The following OR6J1 variants were observed in gnomAD, a reference collection of about 807,000 sequenced individuals.
The protein encoded by OR6J1 is olfactory receptor family 6 subfamily J member 1, also known as olfactory receptor 6J1.
For missense variants in OR6J1, 304 were observed against 166.8 expected (o/e 1.82, Z -4.53); for synonymous variants, 109 against 70.0 (o/e 1.56, Z -2.78).
At chr14:22,641,180 GAGAA>G (rs1269400976) in intron 1 of OR6J1, among the ~76,000 whole-genome samples, 3 of 117,564 alleles carry the variant, frequency 2.6e-5, no homozygotes, top group Non-Finnish European at 1.8e-5. Context: ...GAGAGAGAGA[GAGAA>G]AGAGAGACAG....
chr14:22,637,770 C>T (rs867703898), intron 1 of OR6J1, among the ~76,000 whole-genome samples: 7 of 68,412 alleles, frequency 1.0e-4, no homozygotes, highest in Admixed American at 2.2e-4. Context: ...CCGCCCCGTT[C>T]GGGAGGTGAG....
chr14:22,635,457 A>G (rs1386010511), intron 1 of OR6J1, among the ~76,000 whole-genome samples: 2 of 152,240 alleles, frequency 1.3e-5, no homozygotes, highest in African/African-American at 4.8e-5. Context: ...CAAGTTACAA[A>G]CTTGTAATGA....
chr14:22,637,667 C>G (rs1202148150), intron 1 of OR6J1, among the ~76,000 whole-genome samples: 1 of 77,718 alleles, frequency 1.3e-5, no homozygotes, highest in Non-Finnish European at 2.6e-5. Context: ...CCAGCTGCCC[C>G]GTCCGGGAGG....
chr14:22,634,450 C>T lies in OR6J1; in HGVS notation c.362G>A (p.Arg121His), dbSNP rs3751484. The T allele has an allele frequency of 0.17, 120,652 of 703,004 alleles. 11,398 individuals carry two copies. The highest frequency in any genetic ancestry group is 0.31 in the African/African-American group (17,941 of 57,168). The allele number at this position is 703,004 out of a possible 1,614,324, so 43.5% of individuals were successfully genotyped here. The change falls in exon 2 of 2, where the codon CGT becomes CAT. Residue 121 changes from arginine (R) to histidine (H), a missense_variant. Physicochemically the swap from Arg to His is conservative, Grantham distance 29. Transcript: ENST00000540461. ...FLLLTVMSYD[R>H]YATICCPLRY... is the part of the protein sequence containing the mutation. Reference sequence around the variant, plus strand: ...CAGGGGGCAGCAGATGGTGGCATAACGGTCATAGGACATGACCGTCAGCAG... The same window carrying T: ...CAGGGGGCAGCAGATGGTGGCATAATGGTCATAGGACATGACCGTCAGCAG...
Position 22,637,026 on chromosome 14 carries a change from C to T in OR6J1, c.-27-2188G>A, listed in dbSNP as rs1433874873. ...GAAGTGAGGAGCGTCTCTGCCCGGC[C>T]GCCCATGTCTGAGATGTGGGGAGCA... is the stretch of plus-strand genomic sequence containing the variant. On this transcript the variant is annotated intron_variant, in intron 1 of 1. Coordinates refer to ENST00000540461, the MANE Select transcript of OR6J1 (RefSeq NM_001348233.2). Among the ~76,000 whole-genome samples the T allele has an allele frequency of 6.4e-5, 8 of 124,916 alleles. 3 individuals carry two copies. The highest frequency in any genetic ancestry group is 1.3e-4 in the Non-Finnish European group (8 of 62,054). The allele number at this position is 124,916 out of a possible 152,430, so 81.9% of individuals were successfully genotyped here. A position where few individuals can be genotyped will look rare whatever the true frequency, so the allele number is the denominator to read the frequency against.
At chr14:22,635,290 C>T (rs1018503220) in intron 1 of OR6J1, among the ~76,000 whole-genome samples, 37 of 152,034 alleles carry the variant, frequency 2.4e-4, no homozygotes, top group African/African-American at 8.7e-4. Flanking sequence ...AATTATGGTA[C>T]CTTTAAGAAA....
chr14:22,637,696 C>G (rs2037602851), intron 1 of OR6J1, among the ~76,000 whole-genome samples: 1 of 81,676 alleles, frequency 1.2e-5, no homozygotes, highest in East Asian at 3.1e-4. Flanking sequence ...GGGGGTCAGC[C>G]CCCCGCCCGA....
intron 1 of OR6J1, among the ~76,000 whole-genome samples, chr14:22,641,466 A>AG (rs2037651384): frequency 8.0e-6 from 1 of 124,318 alleles, no homozygotes; most frequent in African/African-American, 3.5e-5. Context: ...AGAAAGAAAG[A>AG]AAAAGAAAGA....
At position 22,633,982 on chromosome 14, in the gene OR6J1, C is replaced by T. The variant is rs1325168462; in HGVS notation, c.830G>A (p.Ser277Asn). ...LEINKIPLVLSSVVTPFLNPF... is the reference protein window; with the variant it reads ...LEINKIPLVLNSVVTPFLNPF... Reference sequence around the variant, plus strand: ...GTTGAGGAATGGAGTCACCACACTGCTCAGAACCAAAGGGATCTTGTTGAT... The same window carrying T: ...GTTGAGGAATGGAGTCACCACACTGTTCAGAACCAAAGGGATCTTGTTGAT... The change falls in exon 2 of 2, where the codon AGC becomes AAC. Residue 277 changes from serine to asparagine, a missense_variant. Physicochemically the swap from Ser to Asn is conservative, Grantham distance 46 (BLOSUM62 1). Coordinates refer to ENST00000540461, the MANE Select transcript of OR6J1 (RefSeq NM_001348233.2). 2.8e-6 allele frequency: 2 copies of T among 702,900 alleles called. No homozygotes were observed. Among genetic ancestry groups the T allele is most frequent in the Admixed American group, 4.0e-5 (2 of 50,006 alleles). 43.5% of individuals were successfully genotyped at this position (702,900 alleles called of 1,614,324 possible). A position where few individuals can be genotyped will look rare whatever the true frequency, so the allele number is the denominator to read the frequency against.
intron 1 of OR6J1, among the ~76,000 whole-genome samples, chr14:22,643,137 T>C (rs1050603718): frequency 3.0e-4 from 45 of 152,000 alleles, no homozygotes; most frequent in African/African-American, 9.9e-4. Flanking sequence ...CCAGCAGATT[T>C]TTGTATTTTT....
In OR6J1 at chr14:22,633,794, C is replaced by A. The variant is rs1007946118; in HGVS notation, c.1018G>T (p.Val340Phe). 7.2e-6 allele frequency: 5 copies of A among 695,262 alleles called. No individual in the cohort carries two copies. Among genetic ancestry groups the A allele is most frequent in the Middle Eastern group, 2.3e-4 (1 of 4,348 alleles). 43.1% of individuals were successfully genotyped at this position (695,262 alleles called of 1,614,324 possible). A position where few individuals can be genotyped will look rare whatever the true frequency, so the allele number is the denominator to read the frequency against. Residue 340 changes from valine (V) to phenylalanine (F), a missense_variant, in exon 2 of 2, where the codon GTC becomes TTC. By Grantham distance (50) the Val-to-Phe change is conservative. Coordinates refer to ENST00000540461, the MANE Select transcript of OR6J1 (RefSeq NM_001348233.2). ...QGRACSSPPCVYSVKLQC is the reference protein window; with the variant it reads ...QGRACSSPPCFYSVKLQC ...TAACACTGGAGCTTTACAGAATAGACACATGGTGGAGAAGAGCAAGCCCTT... is the reference window on the plus strand; with the variant it reads ...TAACACTGGAGCTTTACAGAATAGAAACATGGTGGAGAAGAGCAAGCCCTT...
In OR6J1 at chr14:22,634,506, GAAATAGCACTGGGTGATACATCCGGC is replaced by G; in HGVS notation, c.280_305del (p.Ala94LeufsTer8). 4.3e-6 allele frequency: 3 copies of G among 703,504 alleles called. No homozygotes were observed. Among genetic ancestry groups the G allele is most frequent in the Non-Finnish European group, 7.8e-6 (3 of 384,920 alleles). The allele number at this position is 703,504 out of a possible 1,614,324, so 43.6% of individuals were successfully genotyped here. ...ACTCAACTGTGCCCAAGAAAAAGTA[GAAATAGCACTGGGTGATACATCCGGC>G]AAAGGAGATGGTTTTATCCCTAGAT... On this transcript the variant is annotated frameshift_variant, in exon 2 of 2. Transcript: ENST00000540461. LOFTEE classifies it low-confidence loss of function (END_TRUNC).
chr14:22,636,458 C>T lies in OR6J1; in HGVS notation c.-27-1620G>A, dbSNP rs1444535919. 4.6e-5 allele frequency among the ~76,000 whole-genome samples: 3 copies of T among 65,230 alleles called. 1 individual carries two copies. Among genetic ancestry groups the T allele is most frequent in the African/African-American group, 2.3e-4 (2 of 8,686 alleles). 42.8% of individuals were successfully genotyped at this position (65,230 alleles called of 152,430 possible). A position where few individuals can be genotyped will look rare whatever the true frequency, so the allele number is the denominator to read the frequency against. On this transcript the variant is annotated intron_variant, in intron 1 of 1. Coordinates refer to ENST00000540461, the MANE Select transcript of OR6J1 (RefSeq NM_001348233.2). ...TCCCTCCAGGGTCTCCCTCTGATGC[C>T]GAGCCAAGGCTGGACGGTGCTGCTG...
chr14:22,641,400 AGGAAGGAT>A (rs1555311022), intron 1 of OR6J1, among the ~76,000 whole-genome samples: 3 of 60,450 alleles, frequency 5.0e-5, no homozygotes, highest in Admixed American at 1.2e-4. Flanking sequence ...AGAGAGAGAA[AGGAAGGAT>A]GGAAGGAAGG....
At chr14:22,637,535 A>AG (rs1171551425) in intron 1 of OR6J1, among the ~76,000 whole-genome samples, 15 of 12,424 alleles carry the variant, frequency 1.2e-3, no homozygotes, top group African/African-American at 1.4e-3. Context: ...GGGAGGGGGG[A>AG]GGGGGGGTCA....
chr14:22,641,253 GAAAGAA>G (rs1403996507), intron 1 of OR6J1, among the ~76,000 whole-genome samples: 5 of 109,288 alleles, frequency 4.6e-5, no homozygotes, highest in South Asian at 3.2e-4. Flanking sequence ...AAGAAAGAAA[GAAAGAA>G]AGAAAGAAAG....
intron 1 of OR6J1, among the ~76,000 whole-genome samples, chr14:22,637,663 G>A (rs1594902394): frequency 1.3e-5 from 1 of 76,362 alleles, no homozygotes; most frequent in African/African-American, 7.4e-5. Context: ...CCGGCCAGCT[G>A]CCCCGTCCGG....
rs1358846676 is a variant in OR6J1, at chr14:22,636,944, G to A, written c.-27-2106C>T. Among the ~76,000 whole-genome samples the A allele has an allele frequency of 1.6e-5, 2 of 122,554 alleles. 1 individual carries two copies. Among genetic ancestry groups the A allele is most frequent in the Non-Finnish European group, 3.3e-5 (2 of 61,222 alleles). 80.4% of individuals were successfully genotyped at this position (122,554 alleles called of 152,430 possible). On this transcript the variant is annotated intron_variant, in intron 1 of 1. Transcript: ENST00000540461. ...GGAAAGTGAGGAGCGTCTCTGCCCG[G>A]CCGCCATCCCATCTAGGAAGCGAGG...
At position 22,633,109 on chromosome 14, in the gene OR6J1, C is replaced by G. The variant is rs1753428; in HGVS notation, c.*659G>C. The G allele has an allele frequency of 0.23, 35,354 of 152,334 alleles. 4,402 individuals are homozygous for G. Among genetic ancestry groups the G allele is most frequent in the African/African-American group, 0.32 (13,337 of 41,456 alleles). 9.4% of individuals were successfully genotyped at this position (152,334 alleles called of 1,614,324 possible). ...GCCACACAGGTCATAGGTCACTGGC[C>G]AGTCTCTTAGGTGTGCAAGTGTCCC... On this transcript the variant is annotated 3_prime_UTR_variant, in exon 2 of 2. Coordinates refer to ENST00000540461, the MANE Select transcript of OR6J1 (RefSeq NM_001348233.2).
Sources: allele counts gnomAD v4.1 joint callset (sites outside exome capture counted in the v4.1 genomes callset), GRCh38; gene constraint gnomAD v4.1.1; transcripts MANE v1.5; gene names NCBI Gene and HGNC (gene_info 2026-07-23, HGNC 2026-07-21).